Variants in DIP2C observed in about 807,000 individuals in gnomAD.
The protein encoded by DIP2C is DIP2 acetate--CoA ligase C (putative).
A neutral mutation model predicts 192.4 loss-of-function variants in DIP2C; 33 were observed. That is an observed-to-expected ratio of 0.17 (90% CI 0.13 to 0.23). DIP2C has a LOEUF of 0.23. Ranked by LOEUF, DIP2C falls within the 10% of genes least tolerant of loss-of-function variation. DIP2C has a pLI of 1.00. For synonymous variants in DIP2C, 979 were observed against 864.1 expected (o/e 1.13, Z -2.33); for missense variants, 1,537 against 2,110.1 (o/e 0.73, Z 5.32).
At chr10:288,293 T>C (rs965713009) in intron 33 of DIP2C, 71 bp downstream of exon 33, 4 of 1,415,646 alleles carry the variant, frequency 2.8e-6, no homozygotes, top group Non-Finnish European at 2.9e-6. Context: ...ATACATTTCC[T>C]AAAATTTCAA....
chr10:660,803 G>A (rs1011021322), intron 1 of DIP2C, among the ~76,000 whole-genome samples: 3 of 152,140 alleles, frequency 2.0e-5, no homozygotes, highest in Non-Finnish European at 4.4e-5. Context: ...CCACCGCAAC[G>A]GGATCCACTA....
intron 1 of DIP2C, among the ~76,000 whole-genome samples, chr10:530,349 T>A (rs1847290113): frequency 6.6e-6 from 1 of 152,182 alleles, no homozygotes; most frequent in Admixed American, 6.5e-5. Context: ...CTGGCTTTAT[T>A]AATGGAAGAA....
Position 283,398 on chromosome 10 carries a change from C to T in DIP2C, c.4168G>A (p.Gly1390Arg), listed in dbSNP as rs200158282. Residue 1390 changes from glycine (G) to arginine (R), a missense_variant, in exon 35 of 37, where the codon GGA becomes AGA. Physicochemically the swap from Gly to Arg is moderately radical, Grantham distance 125. This residue lies in a region of DIP2C where 341 missense variants were observed against 551.7 expected (regional missense o/e 0.62). Coordinates refer to ENST00000280886, the MANE Select transcript of DIP2C (RefSeq NM_014974.3). ...TGATCTGACTGGAGGGATTCGTCTC[C>T]GTAAATAGTGAAATAACCGCTGGCA... ...HNASGYFTIY[G>R]DESLQSDHFN... 168 of 1,614,150 alleles carry T rather than the reference C, an allele frequency of 1.0e-4. No individual in the cohort carries two copies. The highest frequency in any genetic ancestry group is 2.1e-4 in the African/African-American group (16 of 75,022).
chr10:502,035 A>G (rs1474995583), intron 1 of DIP2C, among the ~76,000 whole-genome samples: 2 of 152,038 alleles, frequency 1.3e-5, no homozygotes, highest in Non-Finnish European at 2.9e-5. Flanking sequence ...AGTCTCAGTT[A>G]CTCAGTAGGC....
intron 1 of DIP2C, among the ~76,000 whole-genome samples, chr10:546,277 T>TA (rs370870788): frequency 0.045 from 4,952 of 109,300 alleles, 147 homozygotes; most frequent in African/African-American, 0.12. Flanking sequence ...GCAAGACTCT[T>TA]AAAAAAAAAA....
At position 345,125 on chromosome 10, in the gene DIP2C, C is replaced by T. The variant is rs376630134; in HGVS notation, c.3232-15G>A. 7 of 1,605,136 alleles carry T rather than the reference C, an allele frequency of 4.4e-6. No individual in the cohort carries two copies. The highest frequency in any genetic ancestry group is 1.1e-5 in the South Asian group (1 of 90,004). On this transcript the variant is annotated splice_polypyrimidine_tract_variant and intron_variant, in intron 26 of 36. Coordinates refer to ENST00000280886, the MANE Select transcript of DIP2C (RefSeq NM_014974.3). ...GAGCGACTCACCTGGCATCAGAGAGCGAGAATGGAGCCATGAACGTGGACC... is the reference window on the plus strand; with the variant it reads ...GAGCGACTCACCTGGCATCAGAGAGTGAGAATGGAGCCATGAACGTGGACC...
At chr10:376,834 T>TAATATTTTCAGGAAAC in intron 17 of DIP2C, among the ~76,000 whole-genome samples, 1 of 152,092 alleles carries the variant, frequency 6.6e-6, no homozygotes, top group South Asian at 2.1e-4. Context: ...TCAGCAGAAA[T>TAATATTTTCAGGAAAC]AATATTTTCA....
chr10:365,812 G>C (rs1436011285), intron 19 of DIP2C, among the ~76,000 whole-genome samples: 1 of 152,188 alleles, frequency 6.6e-6, no homozygotes, highest in African/African-American at 2.4e-5. Context: ...GTGTGCTCGA[G>C]TTCTCACAGG....
chr10:513,411 C>T (rs778530194), intron 1 of DIP2C, among the ~76,000 whole-genome samples: 7 of 152,224 alleles, frequency 4.6e-5, no homozygotes, highest in Non-Finnish European at 1.0e-4. Context: ...CTCCCCTTTA[C>T]TCTCATCCAC....
At chr10:293,363 C>T (rs1487337374) in intron 32 of DIP2C, among the ~76,000 whole-genome samples, 1 of 152,248 alleles carries the variant, frequency 6.6e-6, no homozygotes, top group Non-Finnish European at 1.5e-5. Flanking sequence ...AGCTGCAGCA[C>T]AGCCACGCTC....
At chr10:291,570 T>C (rs776669512) in intron 32 of DIP2C, among the ~76,000 whole-genome samples, 16 of 152,196 alleles carry the variant, frequency 1.1e-4, no homozygotes, top group Non-Finnish European at 1.9e-4. Context: ...ATTCCCTCCA[T>C]GTGCAAAGAA....
intron 3 of DIP2C, among the ~76,000 whole-genome samples, chr10:468,757 A>C (rs995447246): frequency 6.6e-6 from 1 of 152,184 alleles, no homozygotes; most frequent in Non-Finnish European, 1.5e-5. Flanking sequence ...CCTGGGCAAC[A>C]AGAGTGAAAC....
chr10:657,854 T>C (rs1402097819), intron 1 of DIP2C, among the ~76,000 whole-genome samples: 5 of 151,602 alleles, frequency 3.3e-5, no homozygotes, highest in Non-Finnish European at 7.4e-5. Context: ...GACCTGCCGC[T>C]GGACCTGATG....
chr10:562,728 A>G (rs1187579649), intron 1 of DIP2C, among the ~76,000 whole-genome samples: 1 of 152,224 alleles, frequency 6.6e-6, no homozygotes, highest in African/African-American at 2.4e-5. Context: ...CTGTTCCCTC[A>G]GAGAGCTTTT....
chr10:361,730 TC>T (rs2132716030), intron 22 of DIP2C, among the ~76,000 whole-genome samples: 1 of 152,238 alleles, frequency 6.6e-6, no homozygotes, highest in South Asian at 2.1e-4. Flanking sequence ...AGCAACTGCC[TC>T]CGTGTCCTTC....
intron 1 of DIP2C, among the ~76,000 whole-genome samples, chr10:561,079 T>G (rs955277460): frequency 2.0e-5 from 3 of 152,188 alleles, no homozygotes; most frequent in Non-Finnish European, 4.4e-5. Context: ...AATGTACATC[T>G]TACATTTATT....
chr10:349,210 A>G, intron 25 of DIP2C, 121 bp downstream of exon 25: 2 of 1,366,082 alleles, frequency 1.5e-6, no homozygotes, highest in Non-Finnish European at 2.0e-6. Flanking sequence ...AGCTGGATAC[A>G]GTGCAGACTC....
intron 32 of DIP2C, among the ~76,000 whole-genome samples, chr10:296,893 T>TG (rs1955779022): frequency 1.5e-5 from 1 of 65,692 alleles, no homozygotes; most frequent in Admixed American, 2.6e-4. Context: ...TGTTGTGGGG[T>TG]GGGGGGAGGG....
intron 1 of DIP2C, among the ~76,000 whole-genome samples, chr10:512,301 G>A (rs1846067340): frequency 1.3e-5 from 2 of 152,218 alleles, no homozygotes; most frequent in African/African-American, 2.4e-5. Flanking sequence ...GCTCACACCT[G>A]TAATCCCAGC....
Sources: allele counts gnomAD v4.1 joint callset (sites outside exome capture counted in the v4.1 genomes callset), GRCh38; gene constraint gnomAD v4.1.1; regional missense constraint gnomAD v4.1.1; transcripts MANE v1.5; gene names NCBI Gene and HGNC (gene_info 2026-07-23, HGNC 2026-07-21).